L3MBTL4: variants seen among roughly 807,000 people sequenced by gnomAD.
The protein encoded by L3MBTL4 is lethal(3)malignant brain tumor-like protein 4.
L3MBTL4 carries 70 observed loss-of-function variants against 84.5 expected under a neutral mutation model. The observed-to-expected ratio is 0.83, with a 90% CI of 0.68 to 1.01. The LOEUF (loss-of-function observed/expected upper bound fraction) is 1.01, where lower values mean the gene tolerates loss of function less well. Among genes scored for constraint, L3MBTL4 ranks in the 50% least tolerant of loss-of-function variants. L3MBTL4 has a pLI of 0.00. For synonymous variants in L3MBTL4, 274 were observed against 259.8 expected, an observed-to-expected ratio of 1.05 and a Z score of -0.52; for missense variants, 715 against 754.8, an observed-to-expected ratio of 0.95 and a Z score of 0.62.
chr18:6,018,469 C>A (rs1457613756), intron 16 of L3MBTL4, among the ~76,000 whole-genome samples: 1 of 152,156 alleles, frequency 6.6e-6, no homozygotes, highest in African/African-American at 2.4e-5. Flanking sequence ...CCTTTTCCTA[C>A]CCACGGAAAG....
At chr18:6,049,013 T>C (rs889884365) in intron 16 of L3MBTL4, among the ~76,000 whole-genome samples, 8 of 152,088 alleles carry the variant, frequency 5.3e-5, no homozygotes, top group African/African-American at 1.9e-4. Flanking sequence ...AACCTCAGCA[T>C]GGTGGTTCAC....
At chr18:6,326,742 T>C (rs1466900268) in intron 1 of L3MBTL4, 1 of 152,198 alleles carries the variant, frequency 6.6e-6, no homozygotes, top group Non-Finnish European at 1.5e-5. Context: ...GTAAGAGGAA[T>C]GTAGAATGGT....
intron 10 of L3MBTL4, among the ~76,000 whole-genome samples, chr18:6,231,442 T>C (rs541007352): frequency 6.6e-6 from 1 of 152,308 alleles, no homozygotes; most frequent in East Asian, 1.9e-4. Flanking sequence ...TCTATGTGTC[T>C]GTTTTTGTAC....
chr18:6,243,309 G>A lies in L3MBTL4; in HGVS notation c.445C>T (p.Leu149=), dbSNP rs28568277. ...VGWCEKTKHE[L]HIPKGYRKDK... ...CCTGGCTTACCCTTAGGGATGTGCA[G>A]TTCATGTTTGGTCTTTTCACACCAT... The change falls in exon 7 of 19, where the codon CTG becomes TTG. Residue 149 remains leucine (L), a synonymous_variant. Coordinates refer to ENST00000317931, the MANE Select transcript of L3MBTL4 (RefSeq NM_001330559.2). 6.2e-3 allele frequency: 9,862 copies of A among 1,593,744 alleles called. 472 individuals carry two copies. The African/African-American group carries it at 0.11, about 18-fold the overall frequency.
chr18:6,024,156 T>C (rs149466022), intron 16 of L3MBTL4, among the ~76,000 whole-genome samples: 2,273 of 152,300 alleles, frequency 0.015, 60 homozygotes, highest in African/African-American at 0.053. Flanking sequence ...GGATTACAGG[T>C]GTGAGCCACC....
At chr18:5,989,196 C>T (rs1392464503) in intron 16 of L3MBTL4, among the ~76,000 whole-genome samples, 1 of 152,138 alleles carries the variant, frequency 6.6e-6, no homozygotes, top group Non-Finnish European at 1.5e-5. Context: ...AATCTGCTTT[C>T]TATGTGAAAA....
At chr18:6,389,362 A>G (rs974734026) in intron 1 of L3MBTL4, among the ~76,000 whole-genome samples, 5 of 152,212 alleles carry the variant, frequency 3.3e-5, no homozygotes, top group African/African-American at 1.2e-4. Context: ...TAAAACTCAT[A>G]AAAACCTGTA....
At chr18:5,977,145 C>A (rs556348794) in intron 16 of L3MBTL4, among the ~76,000 whole-genome samples, 1 of 152,164 alleles carries the variant, frequency 6.6e-6, no homozygotes, top group East Asian at 1.9e-4. Context: ...TGCACTCAGG[C>A]CAGCCTCAGC....
At chr18:6,012,793 G>A (rs675244) in intron 16 of L3MBTL4, among the ~76,000 whole-genome samples, 13,303 of 152,024 alleles carry the variant, frequency 0.088, 976 homozygotes, top group African/African-American at 0.2. Flanking sequence ...ACAAATAAAC[G>A]AACAAAAACT....
intron 1 of L3MBTL4, among the ~76,000 whole-genome samples, chr18:6,351,558 A>AT (rs567525765): frequency 0.046 from 6,713 of 145,778 alleles, 203 homozygotes; most frequent in Middle Eastern, 0.17. Flanking sequence ...TGGATTTTTT[A>AT]TTTTTTTTTT....
intron 14 of L3MBTL4, among the ~76,000 whole-genome samples, chr18:6,118,208 A>ACACACAGAAACACACACACACACACAC (rs2059415716): frequency 7.1e-6 from 1 of 141,782 alleles, no homozygotes; most frequent in African/African-American, 2.7e-5. Context: ...AACACACACA[A>ACACACAGAAACACACACACACACACAC]ACACACACAC....
At chr18:6,274,483 T>C (rs1297688132) in intron 4 of L3MBTL4, among the ~76,000 whole-genome samples, 3 of 152,178 alleles carry the variant, frequency 2.0e-5, no homozygotes, top group Non-Finnish European at 2.9e-5. Context: ...CTACAGCCCA[T>C]TACTTGAGCA....
In L3MBTL4 at chr18:5,955,360, G is replaced by C. The variant is rs1007095059; in HGVS notation, c.*860C>G. On this transcript the variant is annotated 3_prime_UTR_variant, in exon 19 of 19. Coordinates refer to ENST00000317931, the MANE Select transcript of L3MBTL4 (RefSeq NM_001330559.2). ...CACAGCTCCTTATTACAGGGGTTCT[G>C]GCAGACTGCAGTGGAAATGAGTCAA... is the stretch of plus-strand genomic sequence containing the variant. The C allele has an allele frequency of 4.6e-5, 7 of 152,276 alleles. No homozygotes were observed. The highest frequency in any genetic ancestry group is 1.7e-4 in the African/African-American group (7 of 41,462). The allele number at this position is 152,276 out of a possible 1,614,324, so 9.4% of individuals were successfully genotyped here.
chr18:6,034,950 T>G (rs1443044524), intron 16 of L3MBTL4, among the ~76,000 whole-genome samples: 2 of 151,076 alleles, frequency 1.3e-5, no homozygotes, highest in Admixed American at 6.6e-5. Context: ...TGTCTTCTTT[T>G]GAGAAGTGTC....
chr18:6,144,632 C>T (rs1039781958), intron 13 of L3MBTL4, among the ~76,000 whole-genome samples: 1 of 152,190 alleles, frequency 6.6e-6, no homozygotes, highest in Non-Finnish European at 1.5e-5. Context: ...TGATTTTGCT[C>T]AGGGCAACAA....
intron 18 of L3MBTL4, among the ~76,000 whole-genome samples, chr18:5,958,960 A>G (rs1166417230): frequency 1.3e-5 from 2 of 152,178 alleles, no homozygotes; most frequent in Admixed American, 1.3e-4. Flanking sequence ...TGCAGAGTAG[A>G]CTGTATGTGT....
intron 1 of L3MBTL4, among the ~76,000 whole-genome samples, chr18:6,385,168 A>G (rs989694619): frequency 2.6e-5 from 4 of 152,104 alleles, no homozygotes; most frequent in African/African-American, 9.7e-5. Flanking sequence ...CCGAGAGGCC[A>G]GGGTGGGAGA....
At chr18:6,336,250 C>CA (rs10713324) in intron 1 of L3MBTL4, among the ~76,000 whole-genome samples, 333 of 143,808 alleles carry the variant, frequency 2.3e-3, no homozygotes, top group Non-Finnish European at 4.3e-3. Flanking sequence ...TACCTAAAAG[C>CA]AAAAAAAAAA....
chr18:6,223,030 A>G (rs757105904), intron 10 of L3MBTL4, among the ~76,000 whole-genome samples: 10 of 151,212 alleles, frequency 6.6e-5, no homozygotes, highest in Non-Finnish European at 1.5e-4. Context: ...GGGTATCAAA[A>G]TATTAATTTG....
Sources: gnomAD v4.1 joint callset for allele counts (sites outside exome capture counted in the v4.1 genomes callset) on GRCh38, gnomAD v4.1.1 for gene constraint, MANE v1.5 for transcripts, NCBI Gene and HGNC (gene_info 2026-07-23, HGNC 2026-07-21) for gene names.